Variants in DOT1L observed in about 807,000 individuals in gnomAD.
DOT1L encodes the protein histone-lysine N-methyltransferase, H3 lysine-79 specific.
A neutral mutation model predicts 153.3 loss-of-function variants in DOT1L; 33 were observed. That is an observed-to-expected ratio of 0.22 (90% CI 0.16 to 0.29). The LOEUF (loss-of-function observed/expected upper bound fraction) is 0.29. Among genes scored for constraint, DOT1L ranks in the 10% least tolerant of loss-of-function variants. The pLI is 1.00. For synonymous variants in DOT1L, 1,135 were observed against 965.1 expected, an observed-to-expected ratio of 1.18 and a Z score of -3.26; for missense variants, 1,847 against 2,119.9, an observed-to-expected ratio of 0.87 and a Z score of 2.53.
chr19:2,201,566 C>A (rs1320954804), intron 8 of DOT1L, among the ~76,000 whole-genome samples: 3 of 152,198 alleles, frequency 2.0e-5, no homozygotes, highest in African/African-American at 7.2e-5. Context: ...GTGTGAACTT[C>A]CATTTGGGTT....
intron 1 of DOT1L, among the ~76,000 whole-genome samples, chr19:2,164,987 C>T (rs375958558): frequency 1.2e-4 from 18 of 152,346 alleles, no homozygotes; most frequent in African/African-American, 3.8e-4. Flanking sequence ...ATTTTGTCTT[C>T]TTCATCTTGG....
chr19:2,176,046 G>A (rs2021915021), intron 1 of DOT1L, among the ~76,000 whole-genome samples: 1 of 152,100 alleles, frequency 6.6e-6, no homozygotes, highest in South Asian at 2.1e-4. Flanking sequence ...GGCTCTCCAG[G>A]AACAGGTCTG....
At position 2,210,625 on chromosome 19, in the gene DOT1L, C is replaced by G. The variant is rs896640132; in HGVS notation, c.1121C>G (p.Ser374Cys). The G allele has an allele frequency of 6.2e-7, 1 of 1,612,418 alleles. No individual in the cohort carries two copies. Among genetic ancestry groups the G allele is most frequent in the African/African-American group, 1.3e-5 (1 of 75,004 alleles). ...TTCTTCCCTTGTGTCCTCCAGGACT[C>G]TGGTGCTGAGGAAGAGAAGGCGGGA... ...VAGPADAPMD[S>C]GAEEEKAGAA... Residue 374 changes from serine to cysteine, a missense_variant, in exon 14 of 28, where the codon TCT becomes TGT. Ser to Cys is a moderately radical substitution (Grantham distance 112). Transcript: ENST00000398665.
In DOT1L at chr19:2,191,454, G is replaced by T; in HGVS notation, c.493+214G>T. 1.7e-6 allele frequency: 1 copy of T among 600,270 alleles called. No homozygotes were observed. Among genetic ancestry groups the T allele is most frequent in the Non-Finnish European group, 2.9e-6 (1 of 339,646 alleles). 37.2% of individuals were successfully genotyped at this position (600,270 alleles called of 1,614,324 possible). A position where few individuals can be genotyped will look rare whatever the true frequency, so the allele number is the denominator to read the frequency against. ...AGAGGGGAGAAATCGCAGGAACCCA[G>T]TGGCTCCCAGACCAGGCCCATCCTC... On this transcript the variant is annotated intron_variant, in intron 5 of 27. Transcript: ENST00000398665. This position sits in a 1 kb window ranked among gnomAD's most constrained non-coding sequence, Gnocchi z 6.8.
intron 1 of DOT1L, among the ~76,000 whole-genome samples, chr19:2,166,338 C>T (rs1457810415): frequency 2.6e-5 from 4 of 152,060 alleles, no homozygotes; most frequent in Admixed American, 6.6e-5. Context: ...TCTGGTGATC[C>T]GCCTGCCTCG....
rs1460586921 is a variant in DOT1L at position 2,191,261 on chromosome 19, C to T, written c.493+21C>T. On this transcript the variant is annotated intron_variant, in intron 5 of 27. Transcript: ENST00000398665. The surrounding 1 kb of genome is among the most constrained non-coding windows in gnomAD (Gnocchi z 6.8). ...GAGCGGTGAGTGTCGCCCGCCATGC[C>T]CGGCTCCTGTGCACTTCCAGGCCAC... The T allele has an allele frequency of 3.1e-6, 5 of 1,611,310 alleles. No individual in the cohort carries two copies. The East Asian group carries it at 6.7e-5, about 22-fold the overall frequency.
rs1168988130 is a variant in DOT1L at position 2,197,962 on chromosome 19, G to A, written c.652-1922G>A. ...TGTGGCTTTGCCTGTGCTCCACTTG[G>A]GAGGCTCCAAGTCCTCCCGCCTGAG... On this transcript the variant is annotated intron_variant, in intron 7 of 27. Transcript: ENST00000398665. This position sits in a 1 kb window ranked among gnomAD's most constrained non-coding sequence, Gnocchi z 4.1. Among the ~76,000 whole-genome samples the A allele has an allele frequency of 6.6e-6, 1 of 152,188 alleles. No homozygotes were observed. Among genetic ancestry groups the A allele is most frequent in the Non-Finnish European group, 1.5e-5 (1 of 68,026 alleles).
chr19:2,177,441 C>CT (rs1330181633), intron 1 of DOT1L, among the ~76,000 whole-genome samples: 3 of 152,124 alleles, frequency 2.0e-5, no homozygotes, highest in Non-Finnish European at 4.4e-5. Context: ...GAATTACAGG[C>CT]ACCCGCCACC....
intron 7 of DOT1L, among the ~76,000 whole-genome samples, chr19:2,195,413 C>T (rs968780918): frequency 2.0e-5 from 3 of 152,142 alleles, no homozygotes; most frequent in African/African-American, 4.8e-5. Context: ...AGGCTGATGG[C>T]GCCCCGGGCC....
At chr19:2,213,430 T>G in intron 16 of DOT1L, 109 bp from the exon 17 acceptor site, 1 of 1,130,102 alleles carries the variant, frequency 8.8e-7, no homozygotes, top group Non-Finnish European at 1.3e-6. Flanking sequence ...CAGGCATGTC[T>G]GTCCTTGAGC....
At position 2,226,743 on chromosome 19, in the gene DOT1L, G is replaced by T. The variant is rs983065518; in HGVS notation, c.4222G>T (p.Gly1408Cys). The change falls in exon 27 of 28, where the codon GGC becomes TGC. Residue 1408 changes from glycine to cysteine, a missense_variant. Physicochemically the swap from Gly to Cys is radical, Grantham distance 159 (BLOSUM62 -3). Coordinates refer to ENST00000398665, the MANE Select transcript of DOT1L (RefSeq NM_032482.3). ...CACGGACAAGACCCCACTGCTGAGC[G>T]GCAAGGCCGCCAAGGCCCGGGACCG... The part of the protein sequence containing the change: ...GPTDKTPLLS[G>C]KAAKARDREV... 6.4e-7 allele frequency: 1 copy of T among 1,558,022 alleles called. No individual in the cohort carries two copies.
At chr19:2,228,210 CCCCTGCCCCGGCTGG>C in intron 27 of DOT1L, 1 of 1,364,372 alleles carries the variant, frequency 7.3e-7, no homozygotes, top group Non-Finnish European at 9.8e-7. Flanking sequence ...GCACCACCAG[CCCCTGCCCCGGCTGG>C]CCCTGGCCCA....
At chr19:2,205,164 G>A (rs1215886038) in intron 9 of DOT1L, among the ~76,000 whole-genome samples, 1 of 152,034 alleles carries the variant, frequency 6.6e-6, no homozygotes, top group East Asian at 1.9e-4. Flanking sequence ...GTAGAGACAG[G>A]GTTTCACTGT....
At position 2,226,272 on chromosome 19, in the gene DOT1L, A is replaced by G; in HGVS notation, c.3751A>G (p.Ile1251Val). 1 of 1,593,650 alleles carries G rather than the reference A, an allele frequency of 6.3e-7. No individual in the cohort carries two copies. Among genetic ancestry groups the G allele is most frequent in the Non-Finnish European group, 8.6e-7 (1 of 1,169,222 alleles). Residue 1251 changes from isoleucine (I) to valine (V), a missense_variant, in exon 27 of 28, where the codon ATC becomes GTC. Physicochemically the swap from Ile to Val is conservative, Grantham distance 29. Transcript: ENST00000398665. The part of the protein sequence containing the change: ...WKSTFSPISD[I>V]GLAKSADSPL... ...GTCCACCTTCTCGCCCATCTCCGACATCGGCCTGGCCAAGTCGGCGGACAG... is the reference window on the plus strand; with the variant it reads ...GTCCACCTTCTCGCCCATCTCCGACGTCGGCCTGGCCAAGTCGGCGGACAG...
chr19:2,214,113 T>C (rs1393774208), intron 18 of DOT1L, 127 bp downstream of exon 18: 3 of 1,406,240 alleles, frequency 2.1e-6, no homozygotes, highest in Middle Eastern at 5.1e-4. Context: ...CCCAGACGAA[T>C]TGCGCCACCT....
chr19:2,172,903 G>A (rs1055828698), intron 1 of DOT1L, among the ~76,000 whole-genome samples: 2 of 151,858 alleles, frequency 1.3e-5, no homozygotes, highest in African/African-American at 4.8e-5. Context: ...CATGAACCCA[G>A]GAGGCGGAGC....
rs889795033 is a variant in DOT1L at position 2,227,880 on chromosome 19, C to A, written c.4606+753C>A. 3.1e-6 allele frequency: 4 copies of A among 1,275,194 alleles called. No individual in the cohort carries two copies. In the South Asian group the frequency reaches 5.0e-5, roughly 16 times the overall value. The allele number at this position is 1,275,194 out of a possible 1,614,324, so 79.0% of individuals were successfully genotyped here. A position where few individuals can be genotyped will look rare whatever the true frequency, so the allele number is the denominator to read the frequency against. ...CGCCTCGGCCTCTTCCTTTCAGGCC[C>A]CGGCCTCGGTTGAGACCCGGCCGCC... On this transcript the variant is annotated intron_variant, in intron 27 of 27. Transcript: ENST00000398665.
intron 2 of DOT1L, among the ~76,000 whole-genome samples, chr19:2,183,435 T>G (rs961604664): frequency 6.6e-6 from 1 of 150,814 alleles, no homozygotes; most frequent in Non-Finnish European, 1.5e-5. Flanking sequence ...CCTCCCGAAG[T>G]GTGGGGAGGG....
rs1462456072 is a variant in DOT1L, at chr19:2,230,091, T to C, written c.*299T>C. 1.2e-5 allele frequency: 7 copies of C among 581,906 alleles called. No individual in the cohort carries two copies. The highest frequency in any genetic ancestry group is 2.9e-5 in the East Asian group (1 of 34,060). The allele number at this position is 581,906 out of a possible 1,614,324, so 36.0% of individuals were successfully genotyped here. A position where few individuals can be genotyped will look rare whatever the true frequency, so the allele number is the denominator to read the frequency against. On this transcript the variant is annotated 3_prime_UTR_variant, in exon 28 of 28. Coordinates refer to ENST00000398665, the MANE Select transcript of DOT1L (RefSeq NM_032482.3). ...ATTGAGAAATATAAATATCTATATA[T>C]GAGAGCTCTATATAAAGACACGTGT...
Sources: allele counts gnomAD v4.1 joint callset (sites outside exome capture counted in the v4.1 genomes callset), GRCh38; gene constraint gnomAD v4.1.1; non-coding constraint Gnocchi (gnomAD v3.1); transcripts MANE v1.5; gene names NCBI Gene and HGNC (gene_info 2026-07-23, HGNC 2026-07-21).